The following FAM228B variants were observed in gnomAD, a reference collection of about 807,000 sequenced individuals.
FAM228B encodes protein FAM228B.
Under a neutral mutation model 42.6 loss-of-function variants are expected in FAM228B, and 38 were observed. The ratio of observed to expected loss-of-function variants is 0.89; its 90% confidence interval spans 0.69 to 1.17. The LOEUF (loss-of-function observed/expected upper bound fraction) is 1.17, where lower values mean the gene tolerates loss of function less well. Ranked by LOEUF, FAM228B falls within the 50% of genes most tolerant of loss-of-function variation. The pLI is 0.00. For synonymous variants in FAM228B, 109 were observed against 122.3 expected, an observed-to-expected ratio of 0.89 and a Z score of 0.72; for missense variants, 344 against 367.3, an observed-to-expected ratio of 0.94 and a Z score of 0.52.
intron 9 of FAM228B, chr2:24,165,446 C>T (rs967632932): frequency 4.2e-6 from 2 of 471,070 alleles, no homozygotes; most frequent in African/African-American, 4.0e-5. Context: ...GCTCTGCTGT[C>T]AGTCCCCTAC....
chr2:24,133,052 A>C lies in FAM228B; in HGVS notation c.100-2067A>C, dbSNP rs536071680. Among the ~76,000 whole-genome samples, 4 of 152,184 alleles carry C rather than the reference A, an allele frequency of 2.6e-5. No individual in the cohort carries two copies. In the South Asian group the frequency reaches 8.3e-4, roughly 32 times the overall value. On this transcript the variant is annotated intron_variant, in intron 2 of 10. Transcript: ENST00000615575. ...CCTTCCAGCTCCCATGCTTACCCCA[A>C]ACTCTGTCTTCTAATTCCTGAACCA...
rs17046060 is a variant in FAM228B, at chr2:24,086,461, A to T, written c.-210+5506A>T. On this transcript the variant is annotated intron_variant, in intron 2 of 10. Coordinates refer to the FAM228B transcript ENST00000613899. ...AAGAATAAGTTACTCACAATTGGTT[A>T]AAAAAAATGGCTTCCTTCTCTCCCT... 7.5e-3 allele frequency among the ~76,000 whole-genome samples: 1,132 copies of T among 151,828 alleles called. 12 individuals are homozygous for T. Among genetic ancestry groups the T allele is most frequent in the African/African-American group, 0.026 (1,078 of 41,426 alleles).
chr2:24,126,610 T>A (rs1471164045), intron 2 of FAM228B, among the ~76,000 whole-genome samples: 1 of 148,822 alleles, frequency 6.7e-6, no homozygotes, highest in Non-Finnish European at 1.5e-5. Flanking sequence ...TAAGATTCAC[T>A]ACTTTTTTTT....
chr2:24,082,789 C>G, intron 2 of FAM228B: 1 of 1,446,054 alleles, frequency 6.9e-7, no homozygotes. Flanking sequence ...TACAGGAAGG[C>G]CTGGGAGTGC....
At position 24,147,093 on chromosome 2, in the gene FAM228B, G is replaced by A. The variant is rs1666914179; in HGVS notation, c.686+7G>A. The A allele has an allele frequency of 6.5e-7, 1 of 1,533,008 alleles. No homozygotes were observed. Among genetic ancestry groups the A allele is most frequent in the Non-Finnish European group, 8.8e-7 (1 of 1,135,460 alleles). The allele number at this position is 1,533,008 out of a possible 1,614,324, so 95.0% of individuals were successfully genotyped here. A position where few individuals can be genotyped will look rare whatever the true frequency, so the allele number is the denominator to read the frequency against. On this transcript the variant is annotated splice_region_variant and intron_variant, in intron 7 of 10. Transcript: ENST00000615575. Reference sequence around the variant, plus strand: ...AATTTTGTAGAAGGAGAAGGTAATGGTTAATATACTAGAAATTATAGAACC... The same window carrying A: ...AATTTTGTAGAAGGAGAAGGTAATGATTAATATACTAGAAATTATAGAACC...
intron 8 of FAM228B, among the ~76,000 whole-genome samples, chr2:24,163,310 C>T (rs968602009): frequency 6.6e-6 from 1 of 152,176 alleles, no homozygotes; most frequent in African/African-American, 2.4e-5. Flanking sequence ...GAGAGAACAA[C>T]TAATTGTCTC....
intron 2 of FAM228B, among the ~76,000 whole-genome samples, chr2:24,081,967 T>C (rs1005568038): frequency 6.6e-6 from 1 of 151,602 alleles, no homozygotes. Context: ...AGTGCTGGGA[T>C]TACAGGCGTG....
intron 2 of FAM228B, among the ~76,000 whole-genome samples, chr2:24,134,109 G>A (rs1666522171): frequency 6.6e-6 from 1 of 152,116 alleles, no homozygotes; most frequent in South Asian, 2.1e-4. Context: ...CTTTCATTTT[G>A]AGAAGATCTA....
intron 5 of FAM228B, among the ~76,000 whole-genome samples, chr2:24,144,948 A>G (rs996131813): frequency 3.9e-5 from 6 of 152,016 alleles, no homozygotes; most frequent in African/African-American, 9.7e-5. Flanking sequence ...ACAGCTGGCA[A>G]CCTCCTGCAC....
chr2:24,130,729 T>G (rs1435231327), intron 2 of FAM228B, among the ~76,000 whole-genome samples: 1 of 152,186 alleles, frequency 6.6e-6, no homozygotes, highest in African/African-American at 2.4e-5. Context: ...TTGCAAAAAT[T>G]TTCTCCCATT....
chr2:24,162,604 C>T (rs1400576794), intron 8 of FAM228B, among the ~76,000 whole-genome samples: 1 of 152,098 alleles, frequency 6.6e-6, no homozygotes, highest in Non-Finnish European at 1.5e-5. Context: ...AACATATCCA[C>T]ATAAAGGCTA....
At chr2:24,089,399 C>A (rs1211505839) in intron 2 of FAM228B, among the ~76,000 whole-genome samples, 1 of 152,090 alleles carries the variant, frequency 6.6e-6, no homozygotes, top group East Asian at 1.9e-4. Flanking sequence ...TGAAATTCTA[C>A]AGCAACAAGT....
In FAM228B at chr2:24,077,898, A is replaced by G. The variant is rs1664829292; in HGVS notation, c.-290+929A>G. The G allele has an allele frequency of 4.6e-6, 4 of 866,356 alleles. No homozygotes were observed. The South Asian group carries it at 7.1e-5, about 15-fold the overall frequency. The allele number at this position is 866,356 out of a possible 1,614,324, so 53.7% of individuals were successfully genotyped here. ...AGGGACACTTAACCCCTCACTTCCTAGCATGTGTGTGAAATACCCTTGAAG... is the reference window on the plus strand; with the variant it reads ...AGGGACACTTAACCCCTCACTTCCTGGCATGTGTGTGAAATACCCTTGAAG... On this transcript the variant is annotated intron_variant, in intron 1 of 10. Coordinates refer to the FAM228B transcript ENST00000613899. The surrounding 1 kb of genome is among the most constrained non-coding windows in gnomAD (Gnocchi z 5.5).
intron 2 of FAM228B, 36 bp downstream of exon 2, chr2:24,124,496 T>C (rs1216221264): frequency 7.2e-7 from 1 of 1,387,950 alleles, no homozygotes; most frequent in Non-Finnish European, 9.8e-7. Context: ...GGAGATTTTT[T>C]TACTTGGATC....
chr2:24,133,266 A>AT (rs1407011539), intron 2 of FAM228B, among the ~76,000 whole-genome samples: 2 of 151,312 alleles, frequency 1.3e-5, no homozygotes, highest in East Asian at 3.9e-4. Flanking sequence ...TGTTTTTTAT[A>AT]TTTTTTATCT....
intron 3 of FAM228B, among the ~76,000 whole-genome samples, chr2:24,115,907 CAAAAA>C (rs35038662): frequency 9.4e-5 from 11 of 117,038 alleles, no homozygotes; most frequent in Non-Finnish European, 1.4e-4. Flanking sequence ...GGTTCCCATG[CAAAAA>C]AAAAAAAAAA....
chr2:24,117,346 A>G (rs1262200562), intron 3 of FAM228B, among the ~76,000 whole-genome samples: 1 of 152,072 alleles, frequency 6.6e-6, no homozygotes, highest in Non-Finnish European at 1.5e-5. Flanking sequence ...GTAGCATAGC[A>G]TCCTTTTCCT....
chr2:24,164,121 A>G, intron 8 of FAM228B, 77 bp from the exon 9 acceptor site: 1 of 1,323,554 alleles, frequency 7.6e-7, no homozygotes, highest in Non-Finnish European at 1.0e-6. Context: ...TCAACTTCAA[A>G]TTTAAATAAA....
At chr2:24,101,818 G>A (rs941056856) in intron 3 of FAM228B, among the ~76,000 whole-genome samples, 2 of 152,130 alleles carry the variant, frequency 1.3e-5, no homozygotes, top group African/African-American at 4.8e-5. Flanking sequence ...GAGTAGCTGG[G>A]ACTACAAGCG....
Sources: gnomAD v4.1 joint callset for allele counts (sites outside exome capture counted in the v4.1 genomes callset) on GRCh38, gnomAD v4.1.1 for gene constraint, Gnocchi (gnomAD v3.1) non-coding constraint, MANE v1.5 for transcripts, NCBI Gene and HGNC (gene_info 2026-07-23, HGNC 2026-07-21) for gene names.